Variants in SLC4A7 observed in about 807,000 individuals in gnomAD.
SLC4A7 encodes the protein sodium bicarbonate cotransporter 3.
In SLC4A7, 51 loss-of-function variants were observed where a neutral mutation model predicts 137.6. That is an observed-to-expected ratio of 0.37 (90% CI 0.30 to 0.47). The LOEUF (loss-of-function observed/expected upper bound fraction) is 0.47. Ranked by LOEUF, SLC4A7 falls within the 20% of genes least tolerant of loss-of-function variation. The probability of loss-of-function intolerance (pLI) is 1.00; values close to 1 mark genes in which losing one functional copy is unlikely to be tolerated. For missense variants in SLC4A7, 1,247 were observed against 1,525.4 expected (o/e 0.82, Z 3.04); for synonymous variants, 542 against 518.6 (o/e 1.05, Z -0.61).
chr3:27,480,552 C>T (rs988348811), intron 1 of SLC4A7, among the ~76,000 whole-genome samples: 2 of 152,122 alleles, frequency 1.3e-5, no homozygotes, highest in African/African-American at 4.8e-5. Context: ...TTCAGATTTG[C>T]TCTCTCCCTT....
At chr3:27,400,592 C>T (rs1330242829) in intron 16 of SLC4A7, among the ~76,000 whole-genome samples, 172 bp downstream of exon 16, 2 of 152,098 alleles carry the variant, frequency 1.3e-5, no homozygotes, top group African/African-American at 2.4e-5. Flanking sequence ...CCTACACTTT[C>T]GAGCGCATGA....
In SLC4A7 at chr3:27,385,998, T is replaced by C. The variant is rs1029975514; in HGVS notation, c.3386A>G (p.Lys1129Arg). 5 of 1,608,396 alleles carry C rather than the reference T, an allele frequency of 3.1e-6. No individual in the cohort carries two copies. The East Asian group carries it at 1.1e-4, about 36-fold the overall frequency. The change falls in exon 23 of 26, where the codon AAA (lysine) becomes AGA (arginine). Residue 1129 changes from lysine (K) to arginine (R), a missense_variant. Transcript: ENST00000454389. ...MMVLALVFVR[K>R]LMDLCFTKRE... ...CTTCGTGAAACACAGGTCCATGAGT[T>C]TGCGCACAAACACTAATGCAAGAAC...
chr3:27,450,234 C>G (rs1459188001), intron 2 of SLC4A7, among the ~76,000 whole-genome samples: 1 of 152,078 alleles, frequency 6.6e-6, no homozygotes, highest in African/African-American at 2.4e-5. Context: ...CAGCCTAGCA[C>G]ATGGTAAGTA....
chr3:27,481,727 C>A (rs2059716060), intron 1 of SLC4A7, among the ~76,000 whole-genome samples: 1 of 152,164 alleles, frequency 6.6e-6, no homozygotes, highest in Admixed American at 6.6e-5. Flanking sequence ...CAAGCCTTAT[C>A]TTCTCAAAGA....
At position 27,403,173 on chromosome 3, in the gene SLC4A7, T is replaced by C. The variant is rs142901157; in HGVS notation, c.2287A>G (p.Met763Val). ...GTCAGTTTATCTAAGTTGTTGTGCATATTAAATGCATATGTTTCTCCTAAA... is the reference window on the plus strand; with the variant it reads ...GTCAGTTTATCTAAGTTGTTGTGCACATTAAATGCATATGTTTCTCCTAAA... ...FDLGETYAFN[M>V]HNNLDKLTSY... The change falls in exon 15 of 26, where the codon ATG (methionine) becomes GTG (valine). Residue 763 changes from methionine (M) to valine (V), a missense_variant. Around this residue, in one of 6 missense-constraint regions of SLC4A7, gnomAD observed 499 missense variants for 664.2 expected, o/e 0.75. Transcript: ENST00000454389. 14 of 1,613,278 alleles carry C rather than the reference T, an allele frequency of 8.7e-6. No individual in the cohort carries two copies. Among genetic ancestry groups the C allele is most frequent in the Admixed American group, 1.7e-5 (1 of 59,930 alleles).
intron 1 of SLC4A7, among the ~76,000 whole-genome samples, chr3:27,461,009 G>A (rs1333725161): frequency 6.6e-6 from 1 of 152,002 alleles, no homozygotes; most frequent in Admixed American, 6.5e-5. Context: ...ATTATAACCA[G>A]AAACCAAGAG....
At chr3:27,474,078 TCTGA>T (rs903996612) in intron 1 of SLC4A7, among the ~76,000 whole-genome samples, 8 of 152,206 alleles carry the variant, frequency 5.3e-5, no homozygotes, top group African/African-American at 1.7e-4. Flanking sequence ...TGCTAAGCTC[TCTGA>T]CTTTCTATAC....
At chr3:27,429,559 C>CTA (rs2056048485) in intron 7 of SLC4A7, among the ~76,000 whole-genome samples, 3 of 151,850 alleles carry the variant, frequency 2.0e-5, no homozygotes, top group Admixed American at 2.0e-4. Context: ...ATTTAAAAGA[C>CTA]TAAAATGTGG....
chr3:27,404,793 A>C, intron 14 of SLC4A7, 37 bp downstream of exon 14: 1 of 1,479,156 alleles, frequency 6.8e-7, no homozygotes, highest in Non-Finnish European at 9.2e-7. Context: ...AATTTCATAT[A>C]TAACACATGT....
intron 1 of SLC4A7, among the ~76,000 whole-genome samples, chr3:27,480,487 C>T (rs140017416): frequency 1.3e-5 from 2 of 152,170 alleles, no homozygotes; most frequent in African/African-American, 4.8e-5. Context: ...ACTTCAGCCT[C>T]CCAAAGTACA....
chr3:27,429,317 T>C (rs989429690), intron 7 of SLC4A7, among the ~76,000 whole-genome samples: 7 of 150,308 alleles, frequency 4.7e-5, no homozygotes, highest in Admixed American at 4.6e-4. Context: ...AATAATAATT[T>C]TTTGCTAATT....
rs757370423 is a variant in SLC4A7 at position 27,431,534 on chromosome 3, C to T, written c.914G>A (p.Gly305Asp). Residue 305 changes from glycine (G) to aspartate (D), a missense_variant, in exon 7 of 26, where the codon GGC becomes GAC. Physicochemically the swap from Gly to Asp is moderately conservative, Grantham distance 94. Around this residue, in one of 6 missense-constraint regions of SLC4A7, gnomAD observed 223 missense variants for 203.6 expected, o/e 1.10. Transcript: ENST00000454389. The stretch of plus-strand genomic sequence containing the variant: ...GGGTACTGGGGTTGTACACCTTGAG[C>T]CTGCAGGGGTTCCAGCTCTTGAAGA... ...LPSSRAGTPAGSRCTTPVPTP... is the reference protein window; with the variant it reads ...LPSSRAGTPADSRCTTPVPTP... 14 of 1,613,870 alleles carry T rather than the reference C, an allele frequency of 8.7e-6. No individual in the cohort carries two copies. Among genetic ancestry groups the T allele is most frequent in the African/African-American group, 4.0e-5 (3 of 74,852 alleles).
rs1268117247 is a variant in SLC4A7 at position 27,452,423 on chromosome 3, GTTC to G, written c.133_135del (p.Glu45del). On this transcript the variant is annotated inframe_deletion, in exon 2 of 26. Coordinates refer to ENST00000454389, the MANE Select transcript of SLC4A7 (RefSeq NM_001321103.2). ...TTATTTTAAACCAACTTACTTTCTA[GTTC>G]TTCTTTTTCAAACTTGGTGTTCACA... 13 of 1,599,544 alleles carry G rather than the reference GTTC, an allele frequency of 8.1e-6. No individual in the cohort carries two copies. Among genetic ancestry groups the G allele is most frequent in the Non-Finnish European group, 1.0e-5 (12 of 1,174,368 alleles).
Position 27,378,383 on chromosome 3 carries a change from T to C in SLC4A7, c.3698+866A>G, listed in dbSNP as rs76510373. Among the ~76,000 whole-genome samples, 233 of 152,208 alleles carry C rather than the reference T, an allele frequency of 1.5e-3. 3 individuals carry two copies. In the East Asian group the frequency reaches 0.04, roughly 26 times the overall value. On this transcript the variant is annotated intron_variant, in intron 25 of 25. Coordinates refer to ENST00000454389, the MANE Select transcript of SLC4A7 (RefSeq NM_001321103.2). ...AAGCAGAATATACAGACACCCAACA[T>C]AGCATCTCACACAAACTGTACATAA... is the stretch of plus-strand genomic sequence containing the variant.
In SLC4A7 at chr3:27,431,546, C is replaced by T; in HGVS notation, c.902G>A (p.Gly301Glu). The change falls in exon 7 of 26, where the codon GGA (glycine) becomes GAA (glutamate). Residue 301 changes from glycine to glutamate, a missense_variant. This residue lies in a region of SLC4A7 where 223 missense variants were observed against 203.6 expected (regional missense o/e 1.10). Coordinates refer to ENST00000454389, the MANE Select transcript of SLC4A7 (RefSeq NM_001321103.2). ...LGHLLPSSRA[G>E]TPAGSRCTTP... Reference sequence around the variant, plus strand: ...TGTACACCTTGAGCCTGCAGGGGTTCCAGCTCTTGAAGAAGGAAGAAGATG... The same window carrying T: ...TGTACACCTTGAGCCTGCAGGGGTTTCAGCTCTTGAAGAAGGAAGAAGATG... The T allele has an allele frequency of 6.2e-7, 1 of 1,613,972 alleles. No homozygotes were observed. The highest frequency in any genetic ancestry group is 8.5e-7 in the Non-Finnish European group (1 of 1,179,974).
At chr3:27,446,852 A>G (rs924084140) in intron 3 of SLC4A7, among the ~76,000 whole-genome samples, 1 of 146,072 alleles carries the variant, frequency 6.8e-6, no homozygotes, top group Admixed American at 7.0e-5. Context: ...GGTCATCAGT[A>G]TCTCTTAGTA....
At chr3:27,387,930 T>C (rs1369283258) in intron 22 of SLC4A7, among the ~76,000 whole-genome samples, 1 of 152,152 alleles carries the variant, frequency 6.6e-6, no homozygotes, top group East Asian at 1.9e-4. Context: ...CAGCAGCCCT[T>C]GGAAGCTAAT....
intron 16 of SLC4A7, among the ~76,000 whole-genome samples, chr3:27,399,696 T>G (rs1467471682): frequency 6.6e-6 from 1 of 152,206 alleles, no homozygotes; most frequent in Non-Finnish European, 1.5e-5. Context: ...CCTCCCAGAG[T>G]GCTATGGTGT....
chr3:27,476,583 G>A (rs746014789), intron 1 of SLC4A7, among the ~76,000 whole-genome samples: 6 of 152,166 alleles, frequency 3.9e-5, no homozygotes, highest in Non-Finnish European at 8.8e-5. Flanking sequence ...TGAAGAAGGG[G>A]CCTGGTGGGA....
Sources: gnomAD v4.1 joint callset for allele counts (sites outside exome capture counted in the v4.1 genomes callset) on GRCh38, gnomAD v4.1.1 for gene constraint, gnomAD v4.1.1 regional missense constraint, MANE v1.5 for transcripts, NCBI Gene and HGNC (gene_info 2026-07-23, HGNC 2026-07-21) for gene names.